Variants in NIPAL2 observed in about 807,000 individuals in gnomAD.
NIPAL2 encodes NIPA like domain containing 2.
A neutral mutation model predicts 48.9 loss-of-function variants in NIPAL2; 43 were observed. That is an observed-to-expected ratio of 0.88 (90% CI 0.69 to 1.13). NIPAL2 has a LOEUF of 1.13. NIPAL2 is among the 50% of genes most tolerant of loss of function. The probability of loss-of-function intolerance (pLI) is 0.00; values close to 1 mark genes in which losing one functional copy is unlikely to be tolerated. For missense variants in NIPAL2, 446 were observed against 461.4 expected (o/e 0.97, Z 0.31); for synonymous variants, 167 against 174.6 (o/e 0.96, Z 0.34).
rs1811514645 is a variant in NIPAL2 at position 98,215,187 on chromosome 8, T to C, written c.559-2686A>G. ...TTTGTTATCAGTTCTAGAAACCATG[T>C]ATGACTTTTTTCATGTGTGGTTAAA... On this transcript the variant is annotated intron_variant, in intron 5 of 10. Transcript: ENST00000430223. 2.0e-5 allele frequency among the ~76,000 whole-genome samples: 3 copies of C among 152,238 alleles called. No individual in the cohort carries two copies. In the South Asian group the frequency reaches 6.2e-4, roughly 32 times the overall value.
At chr8:98,210,009 C>T (rs923537647) in intron 6 of NIPAL2, among the ~76,000 whole-genome samples, 1 of 151,892 alleles carries the variant, frequency 6.6e-6, no homozygotes, top group Non-Finnish European at 1.5e-5. Context: ...ATCTATCTAT[C>T]ATTTCTATTT....
intron 3 of NIPAL2, among the ~76,000 whole-genome samples, chr8:98,242,488 A>ATTTTTTGTTTGTT (rs774556900): frequency 1.7e-5 from 2 of 117,768 alleles, no homozygotes; most frequent in Non-Finnish European, 3.4e-5. Context: ...CACCTGACAG[A>ATTTTTTGTTTGTT]TTTTTTTTTT....
chr8:98,206,344 A>G (rs912701176), intron 6 of NIPAL2, among the ~76,000 whole-genome samples: 7 of 150,910 alleles, frequency 4.6e-5, no homozygotes, highest in African/African-American at 1.5e-4. Flanking sequence ...GTATGTATGT[A>G]TGTATTTGAA....
chr8:98,200,223 A>C (rs1810737558), intron 8 of NIPAL2, among the ~76,000 whole-genome samples: 1 of 152,212 alleles, frequency 6.6e-6, no homozygotes, highest in African/African-American at 2.4e-5. Context: ...AAGTAGGTTC[A>C]TACTGTTTTG....
intron 8 of NIPAL2, among the ~76,000 whole-genome samples, chr8:98,196,690 TTAAGA>T (rs1212152150): frequency 1.3e-5 from 2 of 152,272 alleles, no homozygotes; most frequent in Non-Finnish European, 2.9e-5. Context: ...AGAGTTTTTG[TTAAGA>T]TATCTTTAAG....
chr8:98,202,377 G>A (rs936092651), intron 8 of NIPAL2, among the ~76,000 whole-genome samples: 1 of 152,166 alleles, frequency 6.6e-6, no homozygotes, highest in Non-Finnish European at 1.5e-5. Context: ...CAGAAGGGCT[G>A]ATATAGCTTG....
intron 1 of NIPAL2, among the ~76,000 whole-genome samples, chr8:98,282,673 A>C (rs978334911): frequency 6.6e-6 from 1 of 152,146 alleles, no homozygotes; most frequent in Non-Finnish European, 1.5e-5. Flanking sequence ...CCCTGTCTCT[A>C]AAAACAAAAA....
intron 3 of NIPAL2, among the ~76,000 whole-genome samples, chr8:98,242,743 C>A (rs1404223140): frequency 6.6e-6 from 1 of 152,080 alleles, no homozygotes; most frequent in Non-Finnish European, 1.5e-5. Context: ...CTTGGCCTCG[C>A]AAAGTGCTAC....
At chr8:98,216,459 A>G (rs1391922261) in intron 5 of NIPAL2, among the ~76,000 whole-genome samples, 2 of 152,216 alleles carry the variant, frequency 1.3e-5, no homozygotes, top group Non-Finnish European at 1.5e-5. Context: ...CACAAGTGCT[A>G]TTTGCATTCA....
chr8:98,231,597 A>C (rs1462879855), intron 4 of NIPAL2, among the ~76,000 whole-genome samples: 1 of 152,178 alleles, frequency 6.6e-6, no homozygotes, highest in Non-Finnish European at 1.5e-5. Flanking sequence ...AGGGGAGAGA[A>C]ATCTGGTGCT....
intron 5 of NIPAL2, among the ~76,000 whole-genome samples, chr8:98,219,478 G>A (rs1479670142): frequency 2.6e-5 from 4 of 152,156 alleles, no homozygotes; most frequent in African/African-American, 7.2e-5. Flanking sequence ...TCCAGAAGAT[G>A]ATGGGCCAGG....
chr8:98,253,625 A>T (rs1387768464), intron 2 of NIPAL2, among the ~76,000 whole-genome samples: 1 of 152,142 alleles, frequency 6.6e-6, no homozygotes, highest in Non-Finnish European at 1.5e-5. Flanking sequence ...GGGGAAAAAA[A>T]CCCTATAATC....
chr8:98,290,508 C>T (rs912982197), intron 1 of NIPAL2, among the ~76,000 whole-genome samples: 1 of 152,152 alleles, frequency 6.6e-6, no homozygotes, highest in Non-Finnish European at 1.5e-5. Flanking sequence ...GCTGGTTTGG[C>T]TCTTATTTAT....
At chr8:98,241,831 CT>C (rs11315044) in intron 3 of NIPAL2, among the ~76,000 whole-genome samples, 37,312 of 151,996 alleles carry the variant, frequency 0.25, 4,686 homozygotes, top group Non-Finnish European at 0.27. Context: ...ATAATTAACT[CT>C]TTCTATCCTC....
chr8:98,210,496 A>C (rs1811259655), intron 6 of NIPAL2, among the ~76,000 whole-genome samples: 1 of 152,138 alleles, frequency 6.6e-6, no homozygotes. Context: ...GGAATTTATC[A>C]AGGATTTCTT....
At chr8:98,286,812 C>CAAA (rs1182876107) in intron 1 of NIPAL2, among the ~76,000 whole-genome samples, 10 of 57,786 alleles carry the variant, frequency 1.7e-4, no homozygotes, top group African/African-American at 2.6e-4. Context: ...GAGACTCTGT[C>CAAA]AAAAAAAAAA....
chr8:98,193,515 A>G (rs1810394417), intron 10 of NIPAL2: 3 of 1,182,036 alleles, frequency 2.5e-6, no homozygotes, highest in African/African-American at 3.0e-5. Context: ...TGTGAAATAA[A>G]AAATAGAGTT....
At chr8:98,200,207 A>C (rs554276663) in intron 8 of NIPAL2, among the ~76,000 whole-genome samples, 33 of 152,314 alleles carry the variant, frequency 2.2e-4, no homozygotes, top group Admixed American at 3.3e-4. Context: ...ATAGTTCAGT[A>C]GTGATAAGTA....
chr8:98,223,907 T>C (rs1812024775), intron 4 of NIPAL2, among the ~76,000 whole-genome samples: 1 of 152,230 alleles, frequency 6.6e-6, no homozygotes. Context: ...TGGTCAGTCA[T>C]GTCTTTTCTT....
Sources: allele counts gnomAD v4.1 joint callset (sites outside exome capture counted in the v4.1 genomes callset), GRCh38; gene constraint gnomAD v4.1.1; transcripts MANE v1.5; gene names NCBI Gene and HGNC (gene_info 2026-07-23, HGNC 2026-07-21).